The following STS variants were observed in gnomAD, a reference collection of about 807,000 sequenced individuals.
The protein encoded by STS is steroid sulfatase.
Under a neutral mutation model 26.8 loss-of-function variants are expected in STS, and 7 were observed. The ratio of observed to expected loss-of-function variants is 0.26; its 90% CI spans 0.15 to 0.49. STS has a LOEUF of 0.49. STS is among the 20% of genes least tolerant of loss of function. STS has a pLI of 0.98. For synonymous variants in STS, 199 were observed against 189.4 expected (o/e 1.05, Z -0.42); for missense variants, 434 against 465.6 (o/e 0.93, Z 0.63).
chrX:7,232,130 G>A (rs1922088576), intron 2 of STS, among the ~76,000 whole-genome samples: 1 of 111,696 alleles, frequency 9.0e-6, no homozygotes, highest in African/African-American at 3.3e-5. Flanking sequence ...GTGAGGGTAA[G>A]TGGAAATTTT....
At chrX:7,196,226 A>T (rs1933969891) in intron 2 of STS, among the ~76,000 whole-genome samples, 1 of 112,090 alleles carries the variant, frequency 8.9e-6, no homozygotes, top group Non-Finnish European at 1.9e-5. Flanking sequence ...AGTAACCAGG[A>T]AAAGTATGGT....
intron 2 of STS, among the ~76,000 whole-genome samples, chrX:7,211,466 CCA>C (rs1281291073): frequency 1.3e-4 from 14 of 111,807 alleles, no homozygotes; most frequent in African/African-American, 3.9e-4. Context: ...TCTGTGGACC[CCA>C]CAGGAAGTTC....
Position 7,262,045 on chromosome X carries a change from C to G in STS, c.806+2273C>G, listed in dbSNP as rs145648735. Among the ~76,000 whole-genome samples the G allele has an allele frequency of 7.8e-3, 874 of 112,012 alleles. 14 individuals are homozygous for G. Among genetic ancestry groups the G allele is most frequent in the African/African-American group, 0.027 (833 of 30,827 alleles). ...CAGTTTCAGCCTCTGGGACTTGGCT[C>G]CAGAGAGTATTCTATGTACTAGCTG... On this transcript the variant is annotated intron_variant, in intron 6 of 10. Transcript: ENST00000674429.
chrX:7,219,697 A>G lies in STS; in HGVS notation c.-5+28689A>G, dbSNP rs777714263. ...GGAGATGCCTTTAAGGTAAGCGTCTATTCCCCTGGCCAGGCTGGGAGTTTT... is the reference window on the plus strand; with the variant it reads ...GGAGATGCCTTTAAGGTAAGCGTCTGTTCCCCTGGCCAGGCTGGGAGTTTT... On this transcript the variant is annotated intron_variant, in intron 2 of 10. Transcript: ENST00000674429. The G allele has an allele frequency of 2.1e-5, 26 of 1,210,218 alleles. No individual in the cohort carries two copies. The Admixed American group carries it at 5.2e-4, about 24-fold the overall frequency.
At chrX:7,275,243 A>G (rs887770750) in intron 6 of STS, among the ~76,000 whole-genome samples, 6 of 111,774 alleles carry the variant, frequency 5.4e-5, no homozygotes, top group Non-Finnish European at 7.5e-5. Context: ...TGGTGACTGT[A>G]GTGACTTACA....
At position 7,325,451 on chromosome X, in the gene STS, A is replaced by G; in HGVS notation, c.1194A>G (p.Ile398Met). ...ATGAGCCCACTAGCAACATGGACAT[A>G]TTTCCTACAGTAGCCAAGCTGGCTG... Reference protein sequence around the residue: ...KIDEPTSNMDIFPTVAKLAGA... With the variant: ...KIDEPTSNMDMFPTVAKLAGA... The change falls in exon 9 of 11, where the codon ATA (isoleucine) becomes ATG (methionine). Residue 398 changes from isoleucine to methionine, a missense_variant. By Grantham distance (10) the Ile-to-Met change is conservative. Coordinates refer to ENST00000674429, the MANE Select transcript of STS (RefSeq NM_001320752.2). The G allele has an allele frequency of 1.7e-6, 2 of 1,211,170 alleles. No homozygotes were observed. Among genetic ancestry groups the G allele is most frequent in the Non-Finnish European group, 2.2e-6 (2 of 895,306 alleles).
At chrX:7,151,017 G>A (rs1205194329) in intron 1 of STS, among the ~76,000 whole-genome samples, 2 of 112,434 alleles carry the variant, frequency 1.8e-5, no homozygotes, top group Non-Finnish European at 3.8e-5. Flanking sequence ...AAATGATCCA[G>A]TAAACTACAG....
chrX:7,287,544 C>T (rs1197953665), intron 7 of STS, among the ~76,000 whole-genome samples: 1 of 111,232 alleles, frequency 9.0e-6, no homozygotes, highest in Non-Finnish European at 1.9e-5. Context: ...TTTCTTTTCG[C>T]TCAACTATCT....
chrX:7,156,240 CAT>C (rs1933132604), intron 1 of STS, among the ~76,000 whole-genome samples: 1 of 110,694 alleles, frequency 9.0e-6, no homozygotes, highest in African/African-American at 3.3e-5. Flanking sequence ...TATATACACA[CAT>C]ATAGATGCAT....
intron 3 of STS, among the ~76,000 whole-genome samples, chrX:7,256,181 G>A (rs761563164): frequency 2.7e-5 from 3 of 112,039 alleles, no homozygotes; most frequent in East Asian, 5.6e-4. Context: ...GGTGAAGGAC[G>A]TGGATATATC....
At position 7,189,896 on chromosome X, in the gene STS, G is replaced by A. The variant is rs193043776; in HGVS notation, c.-133-984G>A. 9.0e-3 allele frequency among the ~76,000 whole-genome samples: 999 copies of A among 111,200 alleles called. 9 individuals are homozygous for A. The highest frequency in any genetic ancestry group is 0.03 in the African/African-American group (927 of 30,545). On this transcript the variant is annotated intron_variant, in intron 1 of 10. Transcript: ENST00000674429. ...GGTAATGAAGGAGGGCTTCCTTGTG[G>A]CAGTGGTGTAAGCCAAGAGGTGAGG... is the stretch of plus-strand genomic sequence containing the variant.
intron 1 of STS, among the ~76,000 whole-genome samples, chrX:7,148,528 G>A (rs1295284000): frequency 8.9e-6 from 1 of 112,776 alleles, no homozygotes; most frequent in Admixed American, 9.3e-5. Context: ...CTGTAGAGTG[G>A]GGAAAGGGGA....
chrX:7,218,656 G>A (rs996218385), intron 2 of STS, among the ~76,000 whole-genome samples: 12 of 112,363 alleles, frequency 1.1e-4, no homozygotes, highest in African/African-American at 3.6e-4. Context: ...ACAAAGAAGT[G>A]CACAGATAAT....
chrX:7,286,325 C>T (rs932410008), intron 7 of STS, among the ~76,000 whole-genome samples: 1 of 111,368 alleles, frequency 9.0e-6, no homozygotes, highest in Non-Finnish European at 1.9e-5. Context: ...TTCAGACTGT[C>T]AACTCTTGGT....
intron 2 of STS, among the ~76,000 whole-genome samples, chrX:7,210,530 TAATA>T (rs1225380309): frequency 9.3e-6 from 1 of 107,312 alleles, no homozygotes; most frequent in Non-Finnish European, 1.9e-5. Flanking sequence ...GATGTATGTA[TAATA>T]AATAATAAAC....
chrX:7,197,898 T>C (rs1293921195), intron 2 of STS, among the ~76,000 whole-genome samples: 2 of 111,963 alleles, frequency 1.8e-5, no homozygotes, highest in Non-Finnish European at 3.8e-5. Context: ...AGTAGATGTT[T>C]AGTAAATAAC....
chrX:7,227,100 T>C (rs780818058), intron 2 of STS, among the ~76,000 whole-genome samples: 1 of 112,375 alleles, frequency 8.9e-6, no homozygotes, highest in East Asian at 2.8e-4. Context: ...TCTTCTTGTA[T>C]AAAGTGCATA....
intron 6 of STS, among the ~76,000 whole-genome samples, chrX:7,263,624 A>G (rs1216310624): frequency 8.9e-6 from 1 of 112,498 alleles, no homozygotes; most frequent in Non-Finnish European, 1.9e-5. Flanking sequence ...ATTTCTCAGA[A>G]CATATCCCTG....
At chrX:7,201,705 G>A (rs753070937) in intron 2 of STS, among the ~76,000 whole-genome samples, 4 of 109,313 alleles carry the variant, frequency 3.7e-5, no homozygotes, top group South Asian at 4.0e-4. Flanking sequence ...TGGGAGATCC[G>A]CTGTGCTTTA....
Sources: gnomAD v4.1 joint callset for allele counts (sites outside exome capture counted in the v4.1 genomes callset) on GRCh38, gnomAD v4.1.1 for gene constraint, MANE v1.5 for transcripts, NCBI Gene and HGNC (gene_info 2026-07-23, HGNC 2026-07-21) for gene names.